CHSY3: variants seen among roughly 807,000 people sequenced by gnomAD.
The protein encoded by CHSY3 is N-acetylgalactosaminyl-proteoglycan 3-beta-glucuronosyltransferase 3.
Under a neutral mutation model 67.2 loss-of-function variants are expected in CHSY3, and 35 were observed. The observed-to-expected ratio is 0.52, with a 90% CI of 0.40 to 0.69. The LOEUF (loss-of-function observed/expected upper bound fraction) is 0.69, where lower values mean the gene tolerates loss of function less well. Among genes scored for constraint, CHSY3 ranks in the 30% least tolerant of loss-of-function variants. The probability of loss-of-function intolerance (pLI) is 0.00; values close to 1 mark genes in which losing one functional copy is unlikely to be tolerated. For missense variants in CHSY3, 1,069 were observed against 1,138.5 expected (o/e 0.94, Z 0.88); for synonymous variants, 474 against 434.7 (o/e 1.09, Z -1.12).
chr5:129,924,176 C>A (rs191297849), intron 2 of CHSY3, among the ~76,000 whole-genome samples: 1 of 152,116 alleles, frequency 6.6e-6, no homozygotes, highest in Admixed American at 6.5e-5. Context: ...AAATCAATTT[C>A]TGTTCTCTAT....
In CHSY3 at chr5:130,133,936, A is replaced by G. The variant is rs549570042; in HGVS notation, c.1087-50293A>G. Among the ~76,000 whole-genome samples, 7 of 152,098 alleles carry G rather than the reference A, an allele frequency of 4.6e-5. No individual in the cohort carries two copies. The South Asian group carries it at 1.2e-3, about 27-fold the overall frequency. ...TAACTCTAATTTTTTATTTTCAGTTATTTCATAAAAACTATACCAGATTAT... is the reference window on the plus strand; with the variant it reads ...TAACTCTAATTTTTTATTTTCAGTTGTTTCATAAAAACTATACCAGATTAT... On this transcript the variant is annotated intron_variant, in intron 2 of 2. Transcript: ENST00000305031.
intron 2 of CHSY3, among the ~76,000 whole-genome samples, chr5:129,957,686 C>G (rs1250366796): frequency 6.6e-6 from 1 of 152,078 alleles, no homozygotes; most frequent in African/African-American, 2.4e-5. Context: ...TGATGACAAT[C>G]TCATCATTTG....
intron 2 of CHSY3, among the ~76,000 whole-genome samples, chr5:130,122,569 C>T (rs1431489124): frequency 6.6e-6 from 1 of 152,196 alleles, no homozygotes; most frequent in Non-Finnish European, 1.5e-5. Flanking sequence ...GTTTGTATCA[C>T]TTTGGAAGGG....
chr5:129,970,967 T>A (rs967308018), intron 2 of CHSY3, among the ~76,000 whole-genome samples: 20 of 151,892 alleles, frequency 1.3e-4, no homozygotes, highest in Admixed American at 3.9e-4. Flanking sequence ...CAGGTCTTTT[T>A]CATAAAGCTA....
chr5:130,095,915 C>G lies in CHSY3; in HGVS notation c.1087-88314C>G, dbSNP rs1580728919. 2.6e-5 allele frequency among the ~76,000 whole-genome samples: 4 copies of G among 152,196 alleles called. No individual in the cohort carries two copies. The East Asian group carries it at 7.7e-4, about 29-fold the overall frequency. On this transcript the variant is annotated intron_variant, in intron 2 of 2. Coordinates refer to ENST00000305031, the MANE Select transcript of CHSY3 (RefSeq NM_175856.5). ...TGACGCACTGCGGAGACTACATCAC[C>G]TGCGTGGTATCGTTCCAGATAATGC...
chr5:129,907,645 C>T (rs1760363063), intron 1 of CHSY3, among the ~76,000 whole-genome samples: 1 of 152,138 alleles, frequency 6.6e-6, no homozygotes, highest in South Asian at 2.1e-4. Context: ...AATGGCAAAA[C>T]ACTGAACTAA....
At chr5:130,043,336 CTATAATT>C (rs1280763619) in intron 2 of CHSY3, among the ~76,000 whole-genome samples, 7 of 151,854 alleles carry the variant, frequency 4.6e-5, no homozygotes, top group Middle Eastern at 6.8e-3. Flanking sequence ...TTTGTCTAGA[CTATAATT>C]TATAATATCA....
intron 2 of CHSY3, among the ~76,000 whole-genome samples, chr5:129,918,823 A>T (rs1646391873): frequency 6.6e-6 from 1 of 150,432 alleles, no homozygotes; most frequent in Non-Finnish European, 1.5e-5. Context: ...AAAAAAAAAA[A>T]TTGGCCGGGC....
intron 2 of CHSY3, among the ~76,000 whole-genome samples, chr5:130,068,587 C>A (rs780004905): frequency 6.6e-6 from 1 of 152,120 alleles, no homozygotes; most frequent in Non-Finnish European, 1.5e-5. Context: ...TGCCACAGAG[C>A]AAATGCATGC....
At position 130,182,218 on chromosome 5, in the gene CHSY3, A is replaced by T. The variant is rs1168322380; in HGVS notation, c.1087-2011A>T. 2.6e-5 allele frequency among the ~76,000 whole-genome samples: 4 copies of T among 152,150 alleles called. No individual in the cohort carries two copies. The East Asian group carries it at 7.7e-4, about 29-fold the overall frequency. On this transcript the variant is annotated intron_variant, in intron 2 of 2. Coordinates refer to ENST00000305031, the MANE Select transcript of CHSY3 (RefSeq NM_175856.5). Reference sequence around the variant, plus strand: ...GGATCCATCACGTTATCCCATAGTAATTTTAAGTTGCTTTACCTTGATGAT... The same window carrying T: ...GGATCCATCACGTTATCCCATAGTATTTTTAAGTTGCTTTACCTTGATGAT...
At chr5:130,175,957 T>G (rs1162861273) in intron 2 of CHSY3, among the ~76,000 whole-genome samples, 2 of 152,090 alleles carry the variant, frequency 1.3e-5, no homozygotes, top group Non-Finnish European at 2.9e-5. Flanking sequence ...GACTTCATAA[T>G]TAAACACCAA....
intron 2 of CHSY3, among the ~76,000 whole-genome samples, chr5:130,051,875 CA>C (rs1418831225): frequency 1.3e-5 from 2 of 149,122 alleles, no homozygotes; most frequent in East Asian, 2.0e-4. Flanking sequence ...AGATGCAGTA[CA>C]TTGAGATGAC....
At chr5:129,911,987 C>T (rs576478458) in intron 2 of CHSY3, among the ~76,000 whole-genome samples, 129 of 152,150 alleles carry the variant, frequency 8.5e-4, no homozygotes, top group Middle Eastern at 6.8e-3. Context: ...ACCCGGGAGG[C>T]GGAGCTTGCA....
At chr5:130,028,229 C>A (rs570113316) in intron 2 of CHSY3, among the ~76,000 whole-genome samples, 115 of 152,206 alleles carry the variant, frequency 7.6e-4, no homozygotes, top group East Asian at 7.3e-3. Context: ...GCCAAAAGAA[C>A]AAAGCTGGAG....
intron 2 of CHSY3, among the ~76,000 whole-genome samples, chr5:129,966,585 C>T (rs1239920519): frequency 4.0e-5 from 6 of 151,274 alleles, no homozygotes; most frequent in East Asian, 2.0e-4. Flanking sequence ...CATAACATCT[C>T]GGAGGTATGA....
Position 129,956,730 on chromosome 5 carries a change from G to A in CHSY3, c.1086+48370G>A, listed in dbSNP as rs533471222. ...TTTATTGAATAGGGAGTATGTCCTC[G>A]TTGCTTGGTTTTTTTTTCATTTTGT... On this transcript the variant is annotated intron_variant, in intron 2 of 2. Transcript: ENST00000305031. Among the ~76,000 whole-genome samples the A allele has an allele frequency of 1.5e-3, 232 of 151,912 alleles. 1 individual carries two copies. The highest frequency in any genetic ancestry group is 7.9e-3 in the South Asian group (38 of 4,806).
intron 2 of CHSY3, among the ~76,000 whole-genome samples, chr5:130,085,500 T>C (rs947256242): frequency 2.0e-5 from 3 of 152,108 alleles, no homozygotes; most frequent in African/African-American, 7.2e-5. Flanking sequence ...TCTTCTCTCT[T>C]TTCTTCTTTA....
intron 2 of CHSY3, among the ~76,000 whole-genome samples, chr5:130,089,633 T>G (rs1766808364): frequency 6.6e-6 from 1 of 152,156 alleles, no homozygotes; most frequent in Non-Finnish European, 1.5e-5. Flanking sequence ...GTTAGAGGAC[T>G]AGGCATTGCC....
Position 130,165,820 on chromosome 5 carries a change from T to A in CHSY3, c.1087-18409T>A, listed in dbSNP as rs141896988. ...TATAAATGGCTAAGGGCCCTATAAA[T>A]CATATATGAAATATGATTCTGAGTC... On this transcript the variant is annotated intron_variant, in intron 2 of 2. Transcript: ENST00000305031. 2.0e-3 allele frequency among the ~76,000 whole-genome samples: 297 copies of A among 152,232 alleles called. 2 individuals are homozygous for A. Among genetic ancestry groups the A allele is most frequent in the Middle Eastern group, 6.8e-3 (2 of 294 alleles).
Sources: allele counts gnomAD v4.1 joint callset (sites outside exome capture counted in the v4.1 genomes callset), GRCh38; gene constraint gnomAD v4.1.1; transcripts MANE v1.5; gene names NCBI Gene and HGNC (gene_info 2026-07-23, HGNC 2026-07-21).